Variants in CNTLN observed in about 807,000 individuals in gnomAD.
CNTLN encodes centlein.
In CNTLN, 212 loss-of-function variants were observed where a neutral mutation model predicts 180.0. That is an observed-to-expected ratio of 1.18 (90% CI 1.05 to 1.32). CNTLN has a LOEUF of 1.32. Among genes scored for constraint, CNTLN ranks in the 40% most tolerant of loss-of-function variants. The pLI is 0.00. For missense variants in CNTLN, 2,095 were observed against 1,610.9 expected (o/e 1.30, Z -5.14); for synonymous variants, 722 against 563.1 (o/e 1.28, Z -3.99).
intron 12 of CNTLN, among the ~76,000 whole-genome samples, chr9:17,353,613 T>A (rs62561400): frequency 5.1e-5 from 7 of 136,312 alleles, no homozygotes; most frequent in Non-Finnish European, 1.1e-4. Context: ...TTTTTTTTTT[T>A]AACTGAGACG....
chr9:17,176,701 T>C (rs945953958), intron 2 of CNTLN, among the ~76,000 whole-genome samples: 3 of 152,220 alleles, frequency 2.0e-5, no homozygotes, highest in Admixed American at 6.5e-5. Flanking sequence ...TTTAGTAAAT[T>C]ATCTGAACCT....
intron 18 of CNTLN, among the ~76,000 whole-genome samples, chr9:17,420,284 C>G (rs1204472065): frequency 1.3e-5 from 2 of 152,098 alleles, no homozygotes; most frequent in East Asian, 3.9e-4. Context: ...CTTCATGGTT[C>G]AATCTTGGTA....
At chr9:17,359,822 C>T (rs904987964) in intron 12 of CNTLN, among the ~76,000 whole-genome samples, 1 of 147,374 alleles carries the variant, frequency 6.8e-6, no homozygotes, top group Admixed American at 6.8e-5. Context: ...ATGGCGTGAA[C>T]CTGGGAGGCG....
rs1827097877 is a variant in CNTLN, at chr9:17,262,770, T to C, written c.850-10963T>C. Among the ~76,000 whole-genome samples the C allele has an allele frequency of 2.6e-5, 4 of 151,392 alleles. No homozygotes were observed. In the South Asian group the frequency reaches 8.3e-4, roughly 31 times the overall value. ...ATAAAGAAAAGAAAGATTAGGTATCTCTGTATTTTTCCAGTTCTTAAAGGG... is the reference window on the plus strand; with the variant it reads ...ATAAAGAAAAGAAAGATTAGGTATCCCTGTATTTTTCCAGTTCTTAAAGGG... On this transcript the variant is annotated intron_variant, in intron 5 of 25. Transcript: ENST00000380647.
At chr9:17,170,047 G>A (rs149881141) in intron 2 of CNTLN, among the ~76,000 whole-genome samples, 2,898 of 152,034 alleles carry the variant, frequency 0.019, 59 homozygotes, top group African/African-American at 0.05. Flanking sequence ...CCAGTTATTT[G>A]TGTCTTTAAT....
At chr9:17,464,131 C>G (rs1047309937) in intron 20 of CNTLN, among the ~76,000 whole-genome samples, 16 of 151,252 alleles carry the variant, frequency 1.1e-4, no homozygotes, top group African/African-American at 3.9e-4. Flanking sequence ...TTTTTCTTAT[C>G]ATTTTTATGC....
intron 23 of CNTLN, among the ~76,000 whole-genome samples, chr9:17,481,147 A>G (rs1243703647): frequency 6.6e-6 from 1 of 152,114 alleles, no homozygotes; most frequent in Non-Finnish European, 1.5e-5. Flanking sequence ...CCGCCGACCA[A>G]GGAGCCTAGT....
At chr9:17,156,222 C>T (rs569765632) in intron 2 of CNTLN, among the ~76,000 whole-genome samples, 3 of 152,188 alleles carry the variant, frequency 2.0e-5, no homozygotes, top group Admixed American at 2.0e-4. Context: ...TTCGTGTTAA[C>T]AAATAAATTG....
intron 5 of CNTLN, among the ~76,000 whole-genome samples, chr9:17,257,536 C>T (rs917069711): frequency 3.3e-5 from 5 of 151,362 alleles, no homozygotes; most frequent in African/African-American, 1.2e-4. Flanking sequence ...GTTCTAGATC[C>T]CTGAGGAATC....
intron 13 of CNTLN, among the ~76,000 whole-genome samples, chr9:17,385,491 G>A (rs577836380): frequency 3.4e-4 from 52 of 152,152 alleles, no homozygotes; most frequent in Non-Finnish European, 6.0e-4. Flanking sequence ...TGGTTGAAAG[G>A]AGCTTGTTAT....
intron 2 of CNTLN, among the ~76,000 whole-genome samples, chr9:17,158,980 A>T (rs577727380): frequency 6.6e-6 from 1 of 151,990 alleles, no homozygotes; most frequent in Admixed American, 6.6e-5. Flanking sequence ...ATTTATAGTT[A>T]TATCCTTCCA....
intron 2 of CNTLN, among the ~76,000 whole-genome samples, chr9:17,164,370 A>T (rs1819903593): frequency 6.6e-6 from 1 of 151,558 alleles, no homozygotes; most frequent in Non-Finnish European, 1.5e-5. Context: ...TTCAAAAAAA[A>T]AAAAAAACCA....
At chr9:17,449,618 T>C (rs1033378680) in intron 18 of CNTLN, among the ~76,000 whole-genome samples, 30 of 152,228 alleles carry the variant, frequency 2.0e-4, no homozygotes, top group African/African-American at 6.5e-4. Flanking sequence ...ATTTTTCCCG[T>C]GAATACTTGA....
the CNTLN span, among the ~76,000 whole-genome samples, chr9:17,515,685 C>A: frequency 5.2e-3 from 792 of 152,284 alleles, 2 homozygotes; most frequent in Non-Finnish European, 8.5e-3. Flanking sequence ...TGACTCTACC[C>A]TCAGAACGTA....
intron 10 of CNTLN, among the ~76,000 whole-genome samples, chr9:17,333,917 A>G (rs1375579141): frequency 6.6e-6 from 1 of 152,186 alleles, no homozygotes; most frequent in African/African-American, 2.4e-5. Context: ...CTGTTAAATG[A>G]GTTGCTATCC....
chr9:17,184,019 T>G (rs1821282702), intron 2 of CNTLN, among the ~76,000 whole-genome samples: 1 of 152,094 alleles, frequency 6.6e-6, no homozygotes, highest in Non-Finnish European at 1.5e-5. Flanking sequence ...CTTTTTGAAG[T>G]TTCACATTGA....
At chr9:17,299,508 C>G (rs1818200537) in intron 7 of CNTLN, 2 of 984,238 alleles carry the variant, frequency 2.0e-6, no homozygotes, top group Non-Finnish European at 2.4e-6. Flanking sequence ...AATTAATTAC[C>G]TTAAAACTTA....
intron 23 of CNTLN, among the ~76,000 whole-genome samples, chr9:17,479,953 A>G (rs1261817801): frequency 1.3e-5 from 2 of 152,202 alleles, no homozygotes; most frequent in African/African-American, 4.8e-5. Flanking sequence ...TTGTACCACA[A>G]GAGCCAGTTT....
chr9:17,213,332 G>T (rs542133087), intron 2 of CNTLN, among the ~76,000 whole-genome samples: 1 of 152,184 alleles, frequency 6.6e-6, no homozygotes, highest in Non-Finnish European at 1.5e-5. Context: ...TCATTCAGGA[G>T]CAGGTTGTTC....
Sources: gnomAD v4.1 joint callset for allele counts (sites outside exome capture counted in the v4.1 genomes callset) on GRCh38, gnomAD v4.1.1 for gene constraint, MANE v1.5 for transcripts, NCBI Gene and HGNC (gene_info 2026-07-23, HGNC 2026-07-21) for gene names.